RAI1: variants seen among roughly 807,000 people sequenced by gnomAD.
The protein encoded by RAI1 is retinoic acid induced 1.
RAI1 carries 9 observed loss-of-function variants against 123.8 expected under a neutral mutation model. That is an observed-to-expected ratio of 0.07 (90% CI 0.04 to 0.13). RAI1 has a LOEUF of 0.13. Among genes scored for constraint, RAI1 ranks in the 10% least tolerant of loss-of-function variants. The probability of loss-of-function intolerance (pLI) is 1.00; values close to 1 mark genes in which losing one functional copy is unlikely to be tolerated. For synonymous variants in RAI1, 1,231 were observed against 1,127.3 expected, an observed-to-expected ratio of 1.09 and a Z score of -1.84; for missense variants, 2,256 against 2,545.8, an observed-to-expected ratio of 0.89 and a Z score of 2.45.
intron 1 of RAI1, among the ~76,000 whole-genome samples, chr17:17,701,137 G>A (rs1283103616): frequency 6.6e-6 from 1 of 152,216 alleles, no homozygotes; most frequent in African/African-American, 2.4e-5. Flanking sequence ...GATTGGGGAT[G>A]GGTCTGGGCC....
chr17:17,714,315 C>T lies in RAI1; in HGVS notation c.-148-9713C>T, dbSNP rs182962272. ...AGGACCAGCAGCCCAGAGCCTGTGT[C>T]GGTGGTCATTCAGCTCTCGGGACAA... On this transcript the variant is annotated intron_variant, in intron 1 of 5. Coordinates refer to ENST00000353383, the MANE Select transcript of RAI1 (RefSeq NM_030665.4). The surrounding 1 kb of genome is among the most constrained non-coding windows in gnomAD (Gnocchi z 4.9). 6.6e-5 allele frequency among the ~76,000 whole-genome samples: 10 copies of T among 152,196 alleles called. No individual in the cohort carries two copies. Among genetic ancestry groups the T allele is most frequent in the South Asian group, 2.1e-4 (1 of 4,798 alleles).
rs1381910122 is a variant in RAI1, at chr17:17,796,574, G to T, written c.3626G>T (p.Gly1209Val). The change falls in exon 3 of 6, where the codon GGT (glycine) becomes GTT (valine). Residue 1209 changes from glycine to valine, a missense_variant. Gly to Val is a moderately radical substitution (Grantham distance 109). This residue lies in a region of RAI1 where 322 missense variants were observed against 358.0 expected (regional missense o/e 0.90). Transcript: ENST00000353383. This position sits in a 1 kb window ranked among gnomAD's most constrained non-coding sequence, Gnocchi z 5.8. ...VSQRARVPKP[G>V]AGSKLSDRPL... ...CAGCGGGCAAGGGTCCCCAAACCTG[G>T]TGCAGGCAGCAAGCTCTCTGACCGG... 1 of 1,611,542 alleles carries T rather than the reference G, an allele frequency of 6.2e-7. No homozygotes were observed. The highest frequency in any genetic ancestry group is 2.2e-5 in the East Asian group (1 of 44,882).
chr17:17,783,240 T>C (rs1364593942), intron 2 of RAI1, among the ~76,000 whole-genome samples: 2 of 151,542 alleles, frequency 1.3e-5, no homozygotes, highest in African/African-American at 4.8e-5. Flanking sequence ...GGGAGGGGAC[T>C]GGGCGCGGGG....
chr17:17,809,040 C>T lies in RAI1; in HGVS notation c.5660-350C>T. The T allele has an allele frequency of 2.6e-6, 1 of 390,198 alleles. No individual in the cohort carries two copies. The highest frequency in any genetic ancestry group is 4.9e-6 in the Non-Finnish European group (1 of 205,050). The allele number at this position is 390,198 out of a possible 1,614,324, so 24.2% of individuals were successfully genotyped here. ...AGGAGCAAGACAAGATCACACAGGCCAGTCTCTTAGGAGGCAGTGACAAGT... is the reference window on the plus strand; with the variant it reads ...AGGAGCAAGACAAGATCACACAGGCTAGTCTCTTAGGAGGCAGTGACAAGT... On this transcript the variant is annotated intron_variant, in intron 4 of 5. Transcript: ENST00000353383. This position sits in a 1 kb window ranked among gnomAD's most constrained non-coding sequence, Gnocchi z 4.9.
chr17:17,787,528 A>AGAGG (rs2031869121), intron 2 of RAI1, among the ~76,000 whole-genome samples: 1 of 152,248 alleles, frequency 6.6e-6, no homozygotes. Context: ...TCCTCCCGGC[A>AGAGG]GCCTTCCCTG....
intron 1 of RAI1, among the ~76,000 whole-genome samples, chr17:17,720,701 T>G (rs1375393522): frequency 6.6e-6 from 1 of 152,182 alleles, no homozygotes; most frequent in Non-Finnish European, 1.5e-5. Context: ...GTTGCTGTGG[T>G]CTTGGCAAGT....
intron 2 of RAI1, among the ~76,000 whole-genome samples, chr17:17,758,777 G>A (rs1019402849): frequency 6.6e-6 from 1 of 152,210 alleles, no homozygotes. Flanking sequence ...CCTTCACGGG[G>A]GCTGATGCTG....
At chr17:17,787,045 A>AAAAC (rs554749694) in intron 2 of RAI1, among the ~76,000 whole-genome samples, 39 of 152,338 alleles carry the variant, frequency 2.6e-4, no homozygotes, top group Admixed American at 1.8e-3. Flanking sequence ...CTGTCTCAAA[A>AAAAC]AAACAAACAA....
At chr17:17,715,860 G>T (rs1202732392) in intron 1 of RAI1, among the ~76,000 whole-genome samples, 1 of 152,200 alleles carries the variant, frequency 6.6e-6, no homozygotes, top group Non-Finnish European at 1.5e-5. Context: ...CCTGGGAATC[G>T]TACATATTCT....
At chr17:17,761,157 TGAG>T (rs758115115) in intron 2 of RAI1, among the ~76,000 whole-genome samples, 10 of 152,126 alleles carry the variant, frequency 6.6e-5, no homozygotes, top group Admixed American at 1.3e-4. Context: ...AGTATTGTCC[TGAG>T]GGTTGAAAGA....
chr17:17,745,230 C>T (rs1336369954), intron 2 of RAI1, among the ~76,000 whole-genome samples: 1 of 151,878 alleles, frequency 6.6e-6, no homozygotes, highest in Non-Finnish European at 1.5e-5. Flanking sequence ...GAGGGAAAAG[C>T]TTGGAAGAGC....
rs2142990356 is a variant in RAI1, at chr17:17,755,711, T to C, written c.-17+31552T>C. On this transcript the variant is annotated intron_variant, in intron 2 of 5. Coordinates refer to ENST00000353383, the MANE Select transcript of RAI1 (RefSeq NM_030665.4). ...AGCCATGCTTTCTCCCATGGGGTCATGTCATCCTGACCCTCAGATTTGGCT... is the reference window on the plus strand; with the variant it reads ...AGCCATGCTTTCTCCCATGGGGTCACGTCATCCTGACCCTCAGATTTGGCT... Among the ~76,000 whole-genome samples, 2 of 152,318 alleles carry C rather than the reference T, an allele frequency of 1.3e-5. 1 individual carries two copies. Among genetic ancestry groups the C allele is most frequent in the South Asian group, 4.1e-4 (2 of 4,826 alleles).
Position 17,796,648 on chromosome 17 carries a change from A to T in RAI1, c.3700A>T (p.Thr1234Ser), listed in dbSNP as rs2032263784. 1.2e-6 allele frequency: 2 copies of T among 1,611,944 alleles called. No homozygotes were observed. Among genetic ancestry groups the T allele is most frequent in the Admixed American group, 3.3e-5 (2 of 59,916 alleles). Residue 1234 changes from threonine (T) to serine (S), a missense_variant, in exon 3 of 6, where the codon ACC becomes TCC. This residue lies in a region of RAI1 where 322 missense variants were observed against 358.0 expected (regional missense o/e 0.90). Transcript: ENST00000353383. The surrounding 1 kb of genome is among the most constrained non-coding windows in gnomAD (Gnocchi z 5.8). ...GTCGGCCTTCATGGCGCCGGTCCCCACCAAGAAGCGGAACCTGGTCTTGCG... is the reference window on the plus strand; with the variant it reads ...GTCGGCCTTCATGGCGCCGGTCCCCTCCAAGAAGCGGAACCTGGTCTTGCG... ...RKSAFMAPVPTKKRNLVLRSR... is the reference protein window; with the variant it reads ...RKSAFMAPVPSKKRNLVLRSR...
Position 17,794,292 on chromosome 17 carries a change from C to T in RAI1, c.1344C>T (p.Thr448=), listed in dbSNP as rs747506130. ...LTSQVENISN[T]VQQLLLSKAA... is the part of the protein sequence containing the mutation. ...CACAGGTGGAGAACATCTCCAACAC[C>T]GTCCAGCAGCTGCTGCTCTCCAAGG... The change falls in exon 3 of 6, where the codon ACC becomes ACT. Residue 448 remains threonine (T), a synonymous_variant. Coordinates refer to ENST00000353383, the MANE Select transcript of RAI1 (RefSeq NM_030665.4). 2.4e-5 allele frequency: 38 copies of T among 1,613,134 alleles called. No individual in the cohort carries two copies. The highest frequency in any genetic ancestry group is 2.0e-4 in the East Asian group (9 of 44,894).
chr17:17,688,451 C>CTCCA (rs1195416807), intron 1 of RAI1, among the ~76,000 whole-genome samples: 1 of 151,812 alleles, frequency 6.6e-6, no homozygotes, highest in Non-Finnish European at 1.5e-5. Context: ...TGCCTCTGCA[C>CTCCA]TCCAGCCTGG....
At chr17:17,775,453 C>T (rs1269560529) in intron 2 of RAI1, among the ~76,000 whole-genome samples, 1 of 152,078 alleles carries the variant, frequency 6.6e-6, no homozygotes, top group East Asian at 1.9e-4. Context: ...GTCTGCCCGC[C>T]TCCACCTCCC....
At chr17:17,694,401 A>G (rs1334341958) in intron 1 of RAI1, among the ~76,000 whole-genome samples, 1 of 151,804 alleles carries the variant, frequency 6.6e-6, no homozygotes, top group Admixed American at 6.6e-5. Flanking sequence ...CTGGGGTGTG[A>G]GTCACATTCT....
chr17:17,744,651 G>T (rs1745299858), intron 2 of RAI1, among the ~76,000 whole-genome samples: 1 of 151,880 alleles, frequency 6.6e-6, no homozygotes, highest in South Asian at 2.1e-4. Flanking sequence ...TTAGCCGGGC[G>T]TGATGGTGCG....
At chr17:17,778,548 G>T (rs984172964) in intron 2 of RAI1, 3 of 360,598 alleles carry the variant, frequency 8.3e-6, no homozygotes, top group African/African-American at 6.4e-5. Context: ...TATGAATCCA[G>T]AGCTGACCCC....
Sources: allele counts gnomAD v4.1 joint callset (sites outside exome capture counted in the v4.1 genomes callset), GRCh38; gene constraint gnomAD v4.1.1; regional missense constraint gnomAD v4.1.1; non-coding constraint Gnocchi (gnomAD v3.1); transcripts MANE v1.5; gene names NCBI Gene and HGNC (gene_info 2026-07-23, HGNC 2026-07-21).